Variants in TLR5 observed in about 807,000 individuals in gnomAD.
The protein encoded by TLR5 is toll like receptor 5, also known as toll-like receptor 5.
For missense variants in TLR5, 944 were observed against 999.8 expected (o/e 0.94, Z 0.75); for synonymous variants, 373 against 384.4 (o/e 0.97, Z 0.35).
At chr1:223,123,476 T>C (rs1657029386) in intron 5 of TLR5, 1 of 152,210 alleles carries the variant, frequency 6.6e-6, no homozygotes, top group Non-Finnish European at 1.5e-5. Flanking sequence ...TGAAAGAACA[T>C]TGTCTGGGCT....
intron 5 of TLR5, among the ~76,000 whole-genome samples, chr1:223,124,483 AG>A (rs1273635003): frequency 6.6e-6 from 1 of 151,806 alleles, no homozygotes; most frequent in Non-Finnish European, 1.5e-5. Context: ...AAAGGATTGG[AG>A]CCCCCTTAAG....
intron 5 of TLR5, among the ~76,000 whole-genome samples, chr1:223,116,077 C>T (rs776990989): frequency 2.3e-4 from 35 of 152,086 alleles, no homozygotes; most frequent in Non-Finnish European, 4.1e-4. Context: ...AATCCCCTGC[C>T]GTGTTACTCT....
chr1:223,138,705 A>G (rs1361212920), intron 2 of TLR5, among the ~76,000 whole-genome samples: 1 of 152,246 alleles, frequency 6.6e-6, no homozygotes, highest in Non-Finnish European at 1.5e-5. Context: ...ACTCAGAGAC[A>G]TATAAGTGGA....
At chr1:223,121,626 C>T (rs1297166612) in intron 5 of TLR5, among the ~76,000 whole-genome samples, 2 of 152,222 alleles carry the variant, frequency 1.3e-5, no homozygotes, top group Non-Finnish European at 2.9e-5. Flanking sequence ...TCAAGTGATC[C>T]TCCTACCTCA....
intron 4 of TLR5, among the ~76,000 whole-genome samples, chr1:223,134,012 G>T (rs939441581): frequency 2.0e-5 from 3 of 152,220 alleles, no homozygotes; most frequent in Admixed American, 2.0e-4. Flanking sequence ...AACTAAATTT[G>T]TAGCTGGATT....
At chr1:223,116,478 G>A (rs1008825322) in intron 5 of TLR5, among the ~76,000 whole-genome samples, 1 of 152,164 alleles carries the variant, frequency 6.6e-6, no homozygotes, top group Non-Finnish European at 1.5e-5. Flanking sequence ...TTAAGCTGCA[G>A]ACCTTCACAG....
chr1:223,125,320 T>A lies in TLR5; in HGVS notation c.-5+7155A>T, dbSNP rs1408279070. Among the ~76,000 whole-genome samples, 6 of 152,146 alleles carry A rather than the reference T, an allele frequency of 3.9e-5. No individual in the cohort carries two copies. In the East Asian group the frequency reaches 1.2e-3, roughly 29 times the overall value. ...GAAAAGATGCAGGTTCTATATAAGA[T>A]TCTACCCCCTGCACCTGCAAGGCTG... is the stretch of plus-strand genomic sequence containing the variant. On this transcript the variant is annotated intron_variant, in intron 5 of 5. Coordinates refer to ENST00000642603, the MANE Select transcript of TLR5 (RefSeq NM_003268.6).
At chr1:223,126,535 AC>A (rs1448621770) in intron 5 of TLR5, among the ~76,000 whole-genome samples, 2 of 151,758 alleles carry the variant, frequency 1.3e-5, no homozygotes, top group Non-Finnish European at 2.9e-5. Flanking sequence ...ATTAAATTAA[AC>A]CCCCAAAACC....
Position 223,110,896 on chromosome 1 carries a change from G to A in TLR5, c.2136C>T (p.Leu712=), listed in dbSNP as rs778539907. Residue 712 remains leucine (L), a synonymous_variant, in exon 6 of 6, where the codon CTC becomes CTT. Transcript: ENST00000642603. ...CACTGTATTGAGTGTCCAGGTGTTT[G>A]AGCAAAGCATTCTGCACCCATGTGA... is the stretch of plus-strand genomic sequence containing the variant. ...KDFTWVQNAL[L]KHLDTQYSDQ... The A allele has an allele frequency of 6.2e-7, 1 of 1,614,218 alleles. No individual in the cohort carries two copies. Among genetic ancestry groups the A allele is most frequent in the South Asian group, 1.1e-5 (1 of 91,078 alleles).
chr1:223,136,252 G>A (rs1476112146), intron 3 of TLR5, among the ~76,000 whole-genome samples: 5 of 152,222 alleles, frequency 3.3e-5, no homozygotes, highest in African/African-American at 1.2e-4. Flanking sequence ...TGGAAGCAGT[G>A]AGGACTTGCT....
In TLR5 at chr1:223,141,806, TATATATATATATATATAGAGAG is replaced by T. The variant is rs1463795533; in HGVS notation, c.-554-65_-554-44del. On this transcript the variant is annotated intron_variant, in intron 1 of 5. Coordinates refer to ENST00000642603, the MANE Select transcript of TLR5 (RefSeq NM_003268.6). ...TTACATATATATATATATATATATA[TATATATATATATATATAGAGAG>T]AGAGAGAGAGAGAGAGAGAGAGAGA... is the stretch of plus-strand genomic sequence containing the variant. 5.8e-3 allele frequency: 519 copies of T among 89,540 alleles called. 4 individuals carry two copies. Among genetic ancestry groups the T allele is most frequent in the African/African-American group, 0.02 (411 of 20,830 alleles). The allele number at this position is 89,540 out of a possible 1,614,324, so 5.5% of individuals were successfully genotyped here. A position where few individuals can be genotyped will look rare whatever the true frequency, so the allele number is the denominator to read the frequency against.
rs1447960572 is a variant in TLR5, at chr1:223,110,458, G to T, written c.2574C>A (p.Ser858=). The T allele has an allele frequency of 6.2e-7, 1 of 1,614,042 alleles. No homozygotes were observed. Among genetic ancestry groups the T allele is most frequent in the South Asian group, 1.1e-5 (1 of 91,068 alleles). Residue 858 remains serine, a synonymous_variant, in exon 6 of 6, where the codon TCC becomes TCA. Transcript: ENST00000642603. ...NIPLQTVATI[S] ...AAGTTGGAAATTGCTCCTTTGATTA[G>T]GAGATGGTTGCTACAGTTTGCAACG... is the stretch of plus-strand genomic sequence containing the variant.
At chr1:223,121,573 C>T (rs1160760375) in intron 5 of TLR5, among the ~76,000 whole-genome samples, 1 of 152,206 alleles carries the variant, frequency 6.6e-6, no homozygotes, top group African/African-American at 2.4e-5. Flanking sequence ...GGCTGGAGTG[C>T]AGTGGTGCGA....
intron 2 of TLR5, among the ~76,000 whole-genome samples, chr1:223,138,617 A>G (rs1657712729): frequency 6.6e-6 from 1 of 152,144 alleles, no homozygotes; most frequent in East Asian, 1.9e-4. Context: ...TTTTAACATC[A>G]GACTCAATAT....
rs148146466 is a variant in TLR5, at chr1:223,116,390, C to T, written c.-4-3355G>A. On this transcript the variant is annotated intron_variant, in intron 5 of 5. Transcript: ENST00000642603. ...GAGTGTTACAGCTCTTAAGGTGGCG[C>T]GTCTGGAGTTGTTCATTCTTCCCAT... Among the ~76,000 whole-genome samples, 1,100 of 152,144 alleles carry T rather than the reference C, an allele frequency of 7.2e-3. 12 individuals are homozygous for T. The highest frequency in any genetic ancestry group is 0.025 in the African/African-American group (1,050 of 41,488).
intron 5 of TLR5, among the ~76,000 whole-genome samples, chr1:223,130,580 G>C (rs936289032): frequency 1.3e-5 from 2 of 152,166 alleles, no homozygotes; most frequent in African/African-American, 2.4e-5. Flanking sequence ...TCACTTGCTT[G>C]CTTCTTTCTC....
intron 2 of TLR5, among the ~76,000 whole-genome samples, chr1:223,138,300 TTTG>T (rs1383053187): frequency 6.6e-6 from 1 of 152,088 alleles, no homozygotes; most frequent in Non-Finnish European, 1.5e-5. Flanking sequence ...TTTGTTTTGT[TTTG>T]TTTTGTTTAG....
chr1:223,136,384 C>T (rs1657614856), intron 3 of TLR5, among the ~76,000 whole-genome samples: 1 of 152,186 alleles, frequency 6.6e-6, no homozygotes, highest in Non-Finnish European at 1.5e-5. Flanking sequence ...GAAATTGTGA[C>T]ACAGTGACAC....
intron 5 of TLR5, among the ~76,000 whole-genome samples, chr1:223,124,126 T>C (rs554785081): frequency 5.9e-5 from 9 of 152,304 alleles, no homozygotes; most frequent in Admixed American, 1.3e-4. Flanking sequence ...TGTTTCACAC[T>C]TGAAAACTTA....
Sources: allele counts gnomAD v4.1 joint callset (sites outside exome capture counted in the v4.1 genomes callset), GRCh38; gene constraint gnomAD v4.1.1; transcripts MANE v1.5; gene names NCBI Gene and HGNC (gene_info 2026-07-23, HGNC 2026-07-21).